ADGRB3: variants seen among roughly 807,000 people sequenced by gnomAD.
ADGRB3 encodes brain-specific angiogenesis inhibitor 3.
In ADGRB3, 37 loss-of-function variants were observed where a neutral mutation model predicts 193.4. The ratio of observed to expected loss-of-function variants is 0.19; its 90% CI spans 0.15 to 0.25. ADGRB3 has a LOEUF of 0.25. Ranked by LOEUF, ADGRB3 falls within the 10% of genes least tolerant of loss-of-function variation. ADGRB3 has a pLI of 1.00. For missense variants in ADGRB3, 1,637 were observed against 1,852.9 expected (o/e 0.88, Z 2.14); for synonymous variants, 690 against 644.2 (o/e 1.07, Z -1.08).
At chr6:69,087,338 T>G (rs1772579518) in intron 17 of ADGRB3, among the ~76,000 whole-genome samples, 1 of 152,154 alleles carries the variant, frequency 6.6e-6, no homozygotes, top group African/African-American at 2.4e-5. Context: ...TCCAAACAGC[T>G]TTGACATACT....
intron 3 of ADGRB3, among the ~76,000 whole-genome samples, chr6:68,789,285 G>A (rs568009169): frequency 6.6e-6 from 1 of 152,142 alleles, no homozygotes; most frequent in Admixed American, 6.6e-5. Context: ...TTTTGCAGTG[G>A]CTGGTACCAG....
intron 3 of ADGRB3, among the ~76,000 whole-genome samples, chr6:68,684,157 T>C (rs1418161807): frequency 2.0e-5 from 3 of 152,210 alleles, no homozygotes; most frequent in African/African-American, 7.2e-5. Context: ...TTCTCAGTCA[T>C]AGTGTCCTAG....
intron 3 of ADGRB3, among the ~76,000 whole-genome samples, chr6:68,896,179 T>C (rs1179379293): frequency 2.0e-5 from 3 of 152,170 alleles, no homozygotes; most frequent in African/African-American, 7.2e-5. Context: ...CTCTTAGAAC[T>C]TGTTGACCTG....
chr6:68,813,651 A>G (rs1353017416), intron 3 of ADGRB3, among the ~76,000 whole-genome samples: 2 of 151,664 alleles, frequency 1.3e-5, no homozygotes, highest in Admixed American at 6.6e-5. Context: ...GGTGTGCCGC[A>G]CCCATTAACT....
chr6:69,370,701 C>T (rs1302252708), intron 29 of ADGRB3, among the ~76,000 whole-genome samples: 3 of 152,002 alleles, frequency 2.0e-5, no homozygotes, highest in Non-Finnish European at 4.4e-5. Context: ...ATTTAATTTT[C>T]AAATAAAATG....
chr6:68,687,336 T>G (rs1477926644), intron 3 of ADGRB3, among the ~76,000 whole-genome samples: 1 of 152,112 alleles, frequency 6.6e-6, no homozygotes, highest in African/African-American at 2.4e-5. Flanking sequence ...ATACATGATC[T>G]TCAAAAAGTT....
chr6:68,719,220 G>T (rs1224234439), intron 3 of ADGRB3, among the ~76,000 whole-genome samples: 1 of 151,614 alleles, frequency 6.6e-6, no homozygotes, highest in Non-Finnish European at 1.5e-5. Context: ...TGTTATTAGT[G>T]CTTCAATAGA....
At chr6:69,083,127 G>C (rs541506463) in intron 17 of ADGRB3, among the ~76,000 whole-genome samples, 2 of 152,250 alleles carry the variant, frequency 1.3e-5, no homozygotes, top group Non-Finnish European at 2.9e-5. Context: ...CTGGAAATTG[G>C]AAATTTAAAT....
chr6:69,085,609 G>A (rs1039824245), intron 17 of ADGRB3, among the ~76,000 whole-genome samples: 1 of 151,430 alleles, frequency 6.6e-6, no homozygotes, highest in African/African-American at 2.4e-5. Context: ...CAAAAGACTG[G>A]ACATTTTCCT....
chr6:69,069,379 G>T (rs1393800366), intron 16 of ADGRB3, among the ~76,000 whole-genome samples: 1 of 151,500 alleles, frequency 6.6e-6, no homozygotes, highest in Non-Finnish European at 1.5e-5. Flanking sequence ...TTTGACTGTG[G>T]AAAAATTTAC....
chr6:69,282,886 C>T (rs1173641939), intron 20 of ADGRB3, among the ~76,000 whole-genome samples: 2 of 152,006 alleles, frequency 1.3e-5, no homozygotes, highest in African/African-American at 2.4e-5. Flanking sequence ...TGATAAGATA[C>T]CTGAAAGTCA....
chr6:69,078,055 C>A (rs1772283686), intron 17 of ADGRB3, among the ~76,000 whole-genome samples: 1 of 151,868 alleles, frequency 6.6e-6, no homozygotes, highest in South Asian at 2.1e-4. Flanking sequence ...TTGATGTAAT[C>A]ATATTGAATT....
chr6:69,138,020 C>T (rs796231790), intron 17 of ADGRB3, among the ~76,000 whole-genome samples: 1 of 152,146 alleles, frequency 6.6e-6, no homozygotes, highest in Non-Finnish European at 1.5e-5. Context: ...ACAGAAAGTA[C>T]AGAATAACAT....
chr6:68,974,831 T>C lies in ADGRB3; in HGVS notation c.1594T>C (p.Leu532=). The C allele has an allele frequency of 6.2e-7, 1 of 1,613,956 alleles. No individual in the cohort carries two copies. The highest frequency in any genetic ancestry group is 1.1e-5 in the South Asian group (1 of 91,074). Residue 532 remains leucine (L), a synonymous_variant, in exon 9 of 32, where the codon TTG becomes CTG. Coordinates refer to ENST00000370598, the MANE Select transcript of ADGRB3 (RefSeq NM_001704.3). ...MVWKRTPAGD[L]AFNQCPLNAT... is the part of the protein sequence containing the mutation. ...GTGGAAAAGAACTCCAGCAGGCGAC[T>C]TGGCATTCAATCAATGTCCCCTGAA...
intron 3 of ADGRB3, among the ~76,000 whole-genome samples, chr6:68,741,879 A>G (rs1449493233): frequency 6.6e-6 from 1 of 152,136 alleles, no homozygotes; most frequent in Non-Finnish European, 1.5e-5. Context: ...TCTTCTTATA[A>G]CGTTTTAGCT....
chr6:69,306,674 T>C (rs1445500912), intron 20 of ADGRB3, among the ~76,000 whole-genome samples: 8 of 151,570 alleles, frequency 5.3e-5, no homozygotes, highest in Admixed American at 1.3e-4. Context: ...AATTCTGAGA[T>C]TACAATGAAC....
At chr6:68,728,391 A>G (rs1765712131) in intron 3 of ADGRB3, among the ~76,000 whole-genome samples, 1 of 150,354 alleles carries the variant, frequency 6.7e-6, no homozygotes, top group Non-Finnish European at 1.5e-5. Flanking sequence ...CTTATCTCCC[A>G]GCCTAACAAA....
At chr6:69,103,028 G>A (rs1489231822) in intron 17 of ADGRB3, among the ~76,000 whole-genome samples, 1 of 152,016 alleles carries the variant, frequency 6.6e-6, no homozygotes, top group East Asian at 1.9e-4. Flanking sequence ...AATGCCAAAA[G>A]AAAAACTATG....
intron 20 of ADGRB3, among the ~76,000 whole-genome samples, chr6:69,283,522 C>T (rs1213243330): frequency 6.6e-6 from 1 of 152,096 alleles, no homozygotes; most frequent in Non-Finnish European, 1.5e-5. Context: ...ATTGCTTTGG[C>T]TCCTTGTGCT....
Sources: gnomAD v4.1 joint callset for allele counts (sites outside exome capture counted in the v4.1 genomes callset) on GRCh38, gnomAD v4.1.1 for gene constraint, MANE v1.5 for transcripts, NCBI Gene and HGNC (gene_info 2026-07-23, HGNC 2026-07-21) for gene names.